The following SPMIP2 variants were observed in gnomAD, a reference collection of about 807,000 sequenced individuals.
The protein encoded by SPMIP2 is protein SPMIP2.
chr4:158,966,506 G>A, the SPMIP2 span, among the ~76,000 whole-genome samples: 1 of 152,194 alleles, frequency 6.6e-6, no homozygotes, highest in Admixed American at 6.5e-5. Flanking sequence ...TAGCTATGGA[G>A]TCATACTACA....
At chr4:158,930,241 T>G in the SPMIP2 span, among the ~76,000 whole-genome samples, 1 of 144,924 alleles carries the variant, frequency 6.9e-6, no homozygotes, top group Admixed American at 6.7e-5. Context: ...TGAAAGAGTC[T>G]TGCTCTATCA....
the SPMIP2 span, among the ~76,000 whole-genome samples, chr4:158,921,612 T>C: frequency 6.6e-6 from 1 of 152,188 alleles, no homozygotes; most frequent in Non-Finnish European, 1.5e-5. Context: ...AGCAGAAGCC[T>C]GTACAGCCTG....
the SPMIP2 span, among the ~76,000 whole-genome samples, chr4:158,933,453 CT>C: frequency 2.0e-5 from 3 of 152,098 alleles, no homozygotes; most frequent in Non-Finnish European, 4.4e-5. Flanking sequence ...GAAAAATTGC[CT>C]TTTCCTTTTG....
chr4:159,037,768 G>A, the SPMIP2 span, among the ~76,000 whole-genome samples: 1 of 145,046 alleles, frequency 6.9e-6, no homozygotes, highest in Admixed American at 7.2e-5. Flanking sequence ...GTGAGACCTT[G>A]TCTCAAAAAC....
chr4:158,969,306 C>T, the SPMIP2 span, among the ~76,000 whole-genome samples: 5 of 152,016 alleles, frequency 3.3e-5, no homozygotes, highest in South Asian at 4.1e-4. Flanking sequence ...TAGTTTAGCA[C>T]GGGATTGAAA....
the SPMIP2 span, among the ~76,000 whole-genome samples, chr4:159,068,228 C>T: frequency 3.3e-5 from 5 of 152,156 alleles, no homozygotes; most frequent in African/African-American, 9.7e-5. Context: ...TATTGAGGCA[C>T]TATTCACAAT....
the SPMIP2 span, among the ~76,000 whole-genome samples, chr4:158,979,868 G>C: frequency 2.0e-5 from 3 of 147,784 alleles, no homozygotes; most frequent in East Asian, 5.9e-4. Flanking sequence ...CACTCCTCTG[G>C]AAAGGGGGCT....
the SPMIP2 span, among the ~76,000 whole-genome samples, chr4:158,920,338 C>A: frequency 1.3e-5 from 2 of 152,072 alleles, no homozygotes; most frequent in Non-Finnish European, 2.9e-5. Flanking sequence ...GGAAGACAAC[C>A]ATAAGGTCTG....
chr4:158,904,989 T>C, the SPMIP2 span: 1 of 155,560 alleles, frequency 6.4e-6, no homozygotes, highest in East Asian at 1.9e-4. Flanking sequence ...TTTGCTATTC[T>C]GAGACAACAA....
the SPMIP2 span, among the ~76,000 whole-genome samples, chr4:158,947,100 C>T: frequency 1.3e-5 from 2 of 152,264 alleles, no homozygotes; most frequent in Admixed American, 6.5e-5. Context: ...ACAGTTTTTA[C>T]TGAACAGACC....
At chr4:159,072,609 C>T in the SPMIP2 span, among the ~76,000 whole-genome samples, 1 of 151,786 alleles carries the variant, frequency 6.6e-6, no homozygotes. Flanking sequence ...ATTACAGACA[C>T]GCACCACCAT....
chr4:158,893,644 T>TA, the SPMIP2 span: 1 of 1,463,662 alleles, frequency 6.8e-7, no homozygotes, highest in Non-Finnish European at 9.4e-7. Flanking sequence ...TATTTTTTGT[T>TA]ATACAGTAGT....
At chr4:158,904,446 T>C in the SPMIP2 span, 8 of 1,595,194 alleles carry the variant, frequency 5.0e-6, no homozygotes, top group Non-Finnish European at 6.9e-6. Context: ...GTAATATTCT[T>C]TTCTTTTCTC....
the SPMIP2 span, among the ~76,000 whole-genome samples, chr4:158,916,619 A>ATATGTATGTATGTATGTATG: frequency 2.5e-4 from 38 of 150,618 alleles, no homozygotes; most frequent in Non-Finnish European, 1.5e-4. Context: ...ATGTATGTAC[A>ATATGTATGTATGTATGTATG]TATGTATGTA....
At chr4:158,970,094 A>G in the SPMIP2 span, among the ~76,000 whole-genome samples, 1 of 152,184 alleles carries the variant, frequency 6.6e-6, no homozygotes, top group East Asian at 1.9e-4. Context: ...ACTCTTGTAT[A>G]GTCTTTGTAA....
At chr4:158,901,989 C>T in the SPMIP2 span, among the ~76,000 whole-genome samples, 1 of 152,034 alleles carries the variant, frequency 6.6e-6, no homozygotes, top group African/African-American at 2.4e-5. Context: ...CTACTTCTGT[C>T]AATTCATCAA....
chr4:159,073,431 G>A, the SPMIP2 span, among the ~76,000 whole-genome samples: 1 of 152,122 alleles, frequency 6.6e-6, no homozygotes. Flanking sequence ...TGGGATTACA[G>A]GTGTGAGCCA....
chr4:158,947,084 G>C, the SPMIP2 span, among the ~76,000 whole-genome samples: 1 of 152,086 alleles, frequency 6.6e-6, no homozygotes, highest in Non-Finnish European at 1.5e-5. Flanking sequence ...GAAAGGAAGT[G>C]GGAAGACAGT....
At chr4:158,984,918 C>G in the SPMIP2 span, among the ~76,000 whole-genome samples, 1 of 151,728 alleles carries the variant, frequency 6.6e-6, no homozygotes, top group Non-Finnish European at 1.5e-5. Flanking sequence ...AGAGAAGAAT[C>G]AAATAGACGC....
Sources: allele counts gnomAD v4.1 joint callset (sites outside exome capture counted in the v4.1 genomes callset), GRCh38; gene constraint gnomAD v4.1.1; transcripts MANE v1.5; gene names NCBI Gene and HGNC (gene_info 2026-07-23, HGNC 2026-07-21).